LYRM4: variants seen among roughly 807,000 people sequenced by gnomAD.
LYRM4 encodes LYR motif-containing protein 4.
A neutral mutation model predicts 11.7 loss-of-function variants in LYRM4; 9 were observed. The ratio of observed to expected loss-of-function variants is 0.77; its 90% CI spans 0.46 to 1.34. The LOEUF is 1.34. Ranked by LOEUF, LYRM4 falls within the 40% of genes most tolerant of loss-of-function variation. The probability of loss-of-function intolerance (pLI) is 0.00; values close to 1 mark genes in which losing one functional copy is unlikely to be tolerated. For synonymous variants in LYRM4, 42 were observed against 40.4 expected, an observed-to-expected ratio of 1.04 and a Z score of -0.15; for missense variants, 133 against 112.5, an observed-to-expected ratio of 1.18 and a Z score of -0.82.
intron 2 of LYRM4, among the ~76,000 whole-genome samples, chr6:5,123,113 G>A (rs549523308): frequency 6.6e-5 from 10 of 152,184 alleles, no homozygotes; most frequent in Admixed American, 5.2e-4. Flanking sequence ...AGGCTGAAGG[G>A]AGCCCCAAAA....
intron 2 of LYRM4, among the ~76,000 whole-genome samples, chr6:5,153,958 T>G (rs987545073): frequency 6.6e-6 from 1 of 152,146 alleles, no homozygotes. Flanking sequence ...ATATATGGAA[T>G]GCTCTGATTG....
the LYRM4 span, among the ~76,000 whole-genome samples, chr6:5,073,372 T>C: frequency 2.0e-5 from 3 of 151,612 alleles, no homozygotes; most frequent in South Asian, 2.1e-4. Flanking sequence ...TGTTAAAAAA[T>C]ATATATATTT....
chr6:5,203,787 C>T (rs138088708), intron 2 of LYRM4, among the ~76,000 whole-genome samples: 44 of 152,314 alleles, frequency 2.9e-4, no homozygotes, highest in Non-Finnish European at 4.4e-4. Context: ...TGCGTCTAAG[C>T]GGCTGGAGAG....
At chr6:5,227,749 G>A (rs1243702571) in intron 1 of LYRM4, among the ~76,000 whole-genome samples, 1 of 152,204 alleles carries the variant, frequency 6.6e-6, no homozygotes, top group African/African-American at 2.4e-5. Context: ...GCTCATCAGT[G>A]ATAGGCTGGA....
the LYRM4 span, among the ~76,000 whole-genome samples, chr6:5,050,463 A>G: frequency 2.6e-5 from 4 of 152,144 alleles, no homozygotes; most frequent in Admixed American, 1.3e-4. Context: ...TACAATCCTC[A>G]TCTCTTTGGC....
At chr6:5,082,926 T>A in the LYRM4 span, among the ~76,000 whole-genome samples, 2 of 151,756 alleles carry the variant, frequency 1.3e-5, no homozygotes, top group Admixed American at 6.6e-5. Flanking sequence ...AGCTGTTCCT[T>A]CCACCTCACC....
At chr6:5,044,873 C>G in the LYRM4 span, among the ~76,000 whole-genome samples, 11 of 152,228 alleles carry the variant, frequency 7.2e-5, no homozygotes, top group African/African-American at 9.6e-5. Flanking sequence ...GGCTGCTACT[C>G]TACAGCCTGC....
chr6:5,066,542 AATCACTT>A, the LYRM4 span: 1 of 832,988 alleles, frequency 1.2e-6, no homozygotes. Flanking sequence ...AGTCACAGTG[AATCACTT>A]GTAGTTTTCC....
chr6:5,189,494 G>A (rs894142696), intron 2 of LYRM4, among the ~76,000 whole-genome samples: 1 of 152,154 alleles, frequency 6.6e-6, no homozygotes, highest in African/African-American at 2.4e-5. Context: ...AAGAGTTTAC[G>A]CTGCTCTAGC....
At chr6:5,172,347 A>C (rs1024567333) in intron 2 of LYRM4, among the ~76,000 whole-genome samples, 1 of 152,192 alleles carries the variant, frequency 6.6e-6, no homozygotes, top group Non-Finnish European at 1.5e-5. Flanking sequence ...GGAGCTGAGG[A>C]GGGAGGATTT....
intron 2 of LYRM4, among the ~76,000 whole-genome samples, chr6:5,138,460 T>C (rs1487633915): frequency 2.7e-5 from 3 of 113,200 alleles, no homozygotes; most frequent in Non-Finnish European, 4.9e-5. Flanking sequence ...TACTTCAGCC[T>C]GGGCCAACAG....
intron 2 of LYRM4, chr6:5,187,093 G>T: frequency 1.1e-6 from 1 of 897,746 alleles, no homozygotes; most frequent in Non-Finnish European, 1.3e-6. Flanking sequence ...AATGGTGAAT[G>T]AATAATATAG....
In LYRM4 at chr6:5,197,049, C is replaced by T. The variant is rs147552301; in HGVS notation, c.207+19569G>A. 2.1e-3 allele frequency among the ~76,000 whole-genome samples: 326 copies of T among 152,330 alleles called. 2 individuals are homozygous for T. Among genetic ancestry groups the T allele is most frequent in the African/African-American group, 6.9e-3 (285 of 41,560 alleles). On this transcript the variant is annotated intron_variant, in intron 2 of 2. Coordinates refer to ENST00000330636, the MANE Select transcript of LYRM4 (RefSeq NM_020408.6). ...TTAGAGAGTAATGCTCATCAATACA[C>T]ATCTAACCACTGTAACTGTGCAGAG...
chr6:5,109,996 T>G (rs12202160), intron 2 of LYRM4, among the ~76,000 whole-genome samples: 1 of 152,156 alleles, frequency 6.6e-6, no homozygotes, highest in Non-Finnish European at 1.5e-5. Context: ...TCTGAGTGCC[T>G]GCACCTCCTG....
intron 2 of LYRM4, among the ~76,000 whole-genome samples, chr6:5,112,049 G>A (rs949727425): frequency 1.3e-5 from 2 of 152,198 alleles, no homozygotes; most frequent in African/African-American, 4.8e-5. Context: ...AGACAGGGAG[G>A]GGAGAAATGT....
At chr6:5,206,988 T>A (rs1443758930) in intron 2 of LYRM4, among the ~76,000 whole-genome samples, 1 of 152,152 alleles carries the variant, frequency 6.6e-6, no homozygotes, top group African/African-American at 2.4e-5. Flanking sequence ...AGTACAAAAC[T>A]AGAATGGTGC....
chr6:5,260,478 C>T (rs1764983381), intron 1 of LYRM4, among the ~76,000 whole-genome samples, 170 bp downstream of exon 1: 1 of 152,242 alleles, frequency 6.6e-6, no homozygotes, highest in Admixed American at 6.5e-5. Flanking sequence ...TCTCAGAGGC[C>T]ACACCTGTAG....
chr6:5,034,229 C>T, the LYRM4 span: 1 of 152,174 alleles, frequency 6.6e-6, no homozygotes, highest in Non-Finnish European at 1.5e-5. Flanking sequence ...CAGCCAAATA[C>T]ATCGAGGCCA....
At position 5,154,686 on chromosome 6, in the gene LYRM4, T is replaced by G. The variant is rs530954443; in HGVS notation, c.208-45195A>C. On this transcript the variant is annotated intron_variant, in intron 2 of 2. Transcript: ENST00000330636. ...ACAAAAGAATTAGCCGGGCGTGGTG[T>G]CACGCGCCTGTAGTCCCAGCTACTC... Among the ~76,000 whole-genome samples the G allele has an allele frequency of 1.6e-3, 237 of 151,978 alleles. 3 individuals carry two copies. The highest frequency in any genetic ancestry group is 7.2e-3 in the East Asian group (37 of 5,130).
Sources: gnomAD v4.1 joint callset for allele counts (sites outside exome capture counted in the v4.1 genomes callset) on GRCh38, gnomAD v4.1.1 for gene constraint, MANE v1.5 for transcripts, NCBI Gene and HGNC (gene_info 2026-07-23, HGNC 2026-07-21) for gene names.